PDE1C: variants seen among roughly 807,000 people sequenced by gnomAD.
The protein encoded by PDE1C is dual specificity calcium/calmodulin-dependent 3',5'-cyclic nucleotide phosphodiesterase 1C.
PDE1C carries 62 observed loss-of-function variants against 93.1 expected under a neutral mutation model. The observed-to-expected ratio is 0.67, with a 90% confidence interval of 0.54 to 0.82. PDE1C has a LOEUF of 0.82. Ranked by LOEUF, PDE1C falls within the 40% of genes least tolerant of loss-of-function variation. The pLI is 0.00. For missense variants in PDE1C, 742 were observed against 884.6 expected (o/e 0.84, Z 2.04); for synonymous variants, 325 against 310.1 (o/e 1.05, Z -0.50).
intron 15 of PDE1C, among the ~76,000 whole-genome samples, chr7:31,814,790 G>A (rs80140175): frequency 0.027 from 4,085 of 151,030 alleles, 66 homozygotes; most frequent in East Asian, 0.064. Context: ...CATGAGGCCT[G>A]TGCTGTGAAT....
At chr7:32,008,408 G>A (rs912480151) in intron 2 of PDE1C, among the ~76,000 whole-genome samples, 1 of 152,086 alleles carries the variant, frequency 6.6e-6, no homozygotes, top group African/African-American at 2.4e-5. Context: ...TTCCACACAT[G>A]TCTTCCTTGG....
At chr7:31,692,302 G>C in the PDE1C span, 67 of 651,714 alleles carry the variant, frequency 1.0e-4, no homozygotes, top group East Asian at 1.2e-3. Context: ...GGATTGGATT[G>C]GGAACACAAT....
intron 2 of PDE1C, among the ~76,000 whole-genome samples, chr7:31,927,521 G>T (rs535741916): frequency 7.2e-5 from 11 of 152,318 alleles, no homozygotes; most frequent in African/African-American, 2.6e-4. Flanking sequence ...CCCAGCAGGG[G>T]TCAACAGACA....
intron 3 of PDE1C, among the ~76,000 whole-genome samples, chr7:32,094,721 T>C (rs1413032758): frequency 6.6e-6 from 1 of 152,190 alleles, no homozygotes; most frequent in Non-Finnish European, 1.5e-5. Context: ...GATGATGGGC[T>C]CCCAGTTTTA....
At chr7:31,642,925 A>G in the PDE1C span, 1 of 1,613,934 alleles carries the variant, frequency 6.2e-7, no homozygotes, top group African/African-American at 1.3e-5. Context: ...AGAGCTGTAT[A>G]TCCCAGACAT....
In PDE1C at chr7:31,778,739, G is replaced by C. The variant is rs187322810; in HGVS notation, c.1892-3007C>G. 5.2e-3 allele frequency among the ~76,000 whole-genome samples: 794 copies of C among 152,226 alleles called. 10 individuals are homozygous for C. Among genetic ancestry groups the C allele is most frequent in the Non-Finnish European group, 5.4e-3 (366 of 68,038 alleles). On this transcript the variant is annotated intron_variant, in intron 16 of 17. Coordinates refer to ENST00000396191, the MANE Select transcript of PDE1C (RefSeq NM_001191057.4). ...TGTGGCCCTGGTGCCATATTACGTA[G>C]GCACCGTGAAATATAGATTTGTTGT...
At chr7:32,344,031 G>A (rs566200427) in intron 1 of PDE1C, among the ~76,000 whole-genome samples, 4 of 152,114 alleles carry the variant, frequency 2.6e-5, no homozygotes, top group Admixed American at 1.3e-4. Context: ...TGATATTGTT[G>A]TATAAAATTT....
chr7:32,134,264 G>T (rs1444985890), intron 3 of PDE1C, among the ~76,000 whole-genome samples: 1 of 152,080 alleles, frequency 6.6e-6, no homozygotes, highest in African/African-American at 2.4e-5. Flanking sequence ...CCCAAATTTG[G>T]TGAAAGACAA....
At chr7:32,293,712 C>T (rs555955242) in intron 1 of PDE1C, among the ~76,000 whole-genome samples, 3 of 152,122 alleles carry the variant, frequency 2.0e-5, no homozygotes, top group Non-Finnish European at 4.4e-5. Context: ...CACACCCTGC[C>T]GCACCTGACT....
At chr7:31,854,793 G>A (rs1315000721) in intron 7 of PDE1C, among the ~76,000 whole-genome samples, 1 of 152,090 alleles carries the variant, frequency 6.6e-6, no homozygotes, top group East Asian at 1.9e-4. Context: ...CGGGCCTGGC[G>A]AGGTGCCTCA....
the PDE1C span, among the ~76,000 whole-genome samples, chr7:31,716,983 C>T: frequency 6.6e-6 from 1 of 152,090 alleles, no homozygotes; most frequent in African/African-American, 2.4e-5. Flanking sequence ...CAAAATTTCA[C>T]ATAAAAGAGC....
chr7:32,115,231 T>A (rs890553999), intron 3 of PDE1C, among the ~76,000 whole-genome samples: 1 of 152,118 alleles, frequency 6.6e-6, no homozygotes. Flanking sequence ...CCATCATCAG[T>A]GATGGACTGG....
chr7:31,802,975 C>A (rs1414693951), intron 16 of PDE1C, among the ~76,000 whole-genome samples: 2 of 151,706 alleles, frequency 1.3e-5, no homozygotes, highest in African/African-American at 4.8e-5. Context: ...AAAATTATAG[C>A]CCCTGATTTT....
the PDE1C span, among the ~76,000 whole-genome samples, chr7:31,743,556 A>AGT: frequency 8.1e-3 from 1,199 of 148,004 alleles, 14 homozygotes; most frequent in African/African-American, 0.022. Flanking sequence ...TGGAGGATGC[A>AGT]GTGTGTGTGT....
the PDE1C span, chr7:31,643,242 A>ATTC: frequency 6.2e-7 from 1 of 1,613,836 alleles, no homozygotes; most frequent in Non-Finnish European, 8.5e-7. Flanking sequence ...AAAGCAGTGG[A>ATTC]TTCTGTCCTC....
chr7:32,348,614 C>T (rs546596416), intron 1 of PDE1C, among the ~76,000 whole-genome samples: 49 of 152,198 alleles, frequency 3.2e-4, no homozygotes, highest in Non-Finnish European at 6.3e-4. Context: ...CCTCCTGACT[C>T]GGCCTCCCAA....
chr7:31,989,987 A>T (rs1285942312), intron 2 of PDE1C, among the ~76,000 whole-genome samples: 1 of 152,236 alleles, frequency 6.6e-6, no homozygotes, highest in Admixed American at 6.5e-5. Flanking sequence ...AATCCAAAGC[A>T]GTCCTTCCCT....
chr7:32,037,976 G>A (rs1333438918), intron 2 of PDE1C, among the ~76,000 whole-genome samples: 1 of 152,024 alleles, frequency 6.6e-6, no homozygotes, highest in Non-Finnish European at 1.5e-5. Flanking sequence ...CAATCTCTCA[G>A]TAGTATTATT....
chr7:32,020,685 T>G (rs1244853281), intron 2 of PDE1C, among the ~76,000 whole-genome samples: 2 of 152,116 alleles, frequency 1.3e-5, no homozygotes, highest in African/African-American at 2.4e-5. Context: ...CCTGGTAAGT[T>G]GCACAATGAG....
Sources: gnomAD v4.1 joint callset for allele counts (sites outside exome capture counted in the v4.1 genomes callset) on GRCh38, gnomAD v4.1.1 for gene constraint, MANE v1.5 for transcripts, NCBI Gene and HGNC (gene_info 2026-07-23, HGNC 2026-07-21) for gene names.